The following UHRF2 variants were observed in gnomAD, a reference collection of about 807,000 sequenced individuals.
UHRF2 encodes the protein ubiquitin like with PHD and ring finger domains 2.
UHRF2 carries 23 observed loss-of-function variants against 96.8 expected under a neutral mutation model. That is an observed-to-expected ratio of 0.24 (90% CI 0.17 to 0.34). The LOEUF (loss-of-function observed/expected upper bound fraction) is 0.34. Ranked by LOEUF, UHRF2 falls within the 10% of genes least tolerant of loss-of-function variation. UHRF2 has a pLI of 1.00. For synonymous variants in UHRF2, 385 were observed against 332.6 expected (o/e 1.16, Z -1.72); for missense variants, 685 against 981.5 (o/e 0.70, Z 4.04).
In UHRF2 at chr9:6,469,703, T is replaced by A. The variant is rs1294577832; in HGVS notation, c.864-5688T>A. Among the ~76,000 whole-genome samples, 4 of 137,452 alleles carry A rather than the reference T, an allele frequency of 2.9e-5. No individual in the cohort carries two copies. In the East Asian group the frequency reaches 7.8e-4, roughly 27 times the overall value. The allele number at this position is 137,452 out of a possible 152,430, so 90.2% of individuals were successfully genotyped here. On this transcript the variant is annotated intron_variant, in intron 4 of 15. Transcript: ENST00000276893. The stretch of plus-strand genomic sequence containing the variant: ...ATGTATATATATACACGTATATACA[T>A]ACATATACACACATATATGTGCATA...
intron 9 of UHRF2, 138 bp downstream of exon 9, chr9:6,487,063 T>C: frequency 1.4e-6 from 1 of 726,850 alleles, no homozygotes; most frequent in Non-Finnish European, 2.3e-6. Context: ...TTATACAAGT[T>C]AGAAAGTAAA....
chr9:6,427,684 C>T (rs10739102), intron 2 of UHRF2, among the ~76,000 whole-genome samples: 106,050 of 151,912 alleles, frequency 0.7, 39,586 homozygotes, highest in South Asian at 0.83. Context: ...GACCCCATCT[C>T]AAAAAAAAGA....
chr9:6,484,725 A>G (rs1824159413), intron 8 of UHRF2: 2 of 142,386 alleles, frequency 1.4e-5, no homozygotes, highest in Admixed American at 7.0e-5. Flanking sequence ...TCTTATTTCT[A>G]TTAATAAATA....
At chr9:6,452,849 G>C (rs957129478) in intron 3 of UHRF2, among the ~76,000 whole-genome samples, 1 of 152,176 alleles carries the variant, frequency 6.6e-6, no homozygotes, top group Non-Finnish European at 1.5e-5. Context: ...AAGTTTAGGC[G>C]AGAGTGGAGC....
chr9:6,479,072 G>A (rs867221623), intron 6 of UHRF2, among the ~76,000 whole-genome samples: 5 of 151,636 alleles, frequency 3.3e-5, no homozygotes, highest in African/African-American at 1.2e-4. Context: ...ATTCTCATTA[G>A]CATTCTAGAA....
intron 14 of UHRF2, among the ~76,000 whole-genome samples, chr9:6,504,119 T>A (rs1273604065): frequency 1.3e-5 from 2 of 150,842 alleles, no homozygotes; most frequent in Non-Finnish European, 3.0e-5. Context: ...TCCGCCTTCT[T>A]GGTTCACTCC....
At chr9:6,430,289 C>A (rs914617177) in intron 2 of UHRF2, among the ~76,000 whole-genome samples, 1 of 152,192 alleles carries the variant, frequency 6.6e-6, no homozygotes. Context: ...GGATTACAGG[C>A]GTGAGCCCCT....
intron 4 of UHRF2, among the ~76,000 whole-genome samples, chr9:6,469,497 A>G (rs935982953): frequency 1.3e-5 from 2 of 152,006 alleles, no homozygotes; most frequent in Non-Finnish European, 2.9e-5. Flanking sequence ...CAGCCTGGCG[A>G]CAGAGCGAGA....
At chr9:6,432,587 A>G (rs1248725894) in intron 2 of UHRF2, among the ~76,000 whole-genome samples, 2 of 152,230 alleles carry the variant, frequency 1.3e-5, no homozygotes, top group Non-Finnish European at 2.9e-5. Flanking sequence ...TAAAATAGGA[A>G]TTAAACTTCT....
intron 4 of UHRF2, among the ~76,000 whole-genome samples, chr9:6,463,423 G>T (rs1325622945): frequency 6.6e-6 from 1 of 151,668 alleles, no homozygotes; most frequent in Non-Finnish European, 1.5e-5. Flanking sequence ...TACTAGAAAC[G>T]TTAGGAACAC....
intron 3 of UHRF2, among the ~76,000 whole-genome samples, chr9:6,458,349 C>T (rs1231347947): frequency 2.0e-5 from 3 of 151,996 alleles, no homozygotes; most frequent in Non-Finnish European, 2.9e-5. Context: ...TCCCCTTTAT[C>T]ATTTTTTATT....
chr9:6,468,397 A>G (rs1563781327), intron 4 of UHRF2: 1 of 455,238 alleles, frequency 2.2e-6, no homozygotes, highest in East Asian at 7.0e-5. Flanking sequence ...AGCTAAAACA[A>G]CTAAATAGCC....
intron 2 of UHRF2, among the ~76,000 whole-genome samples, chr9:6,431,214 A>G (rs1216419063): frequency 6.6e-6 from 1 of 152,134 alleles, no homozygotes; most frequent in Non-Finnish European, 1.5e-5. Context: ...GAAAGTTTTG[A>G]ATTTAAGAGC....
At chr9:6,475,112 G>C (rs1823485735) in intron 4 of UHRF2, among the ~76,000 whole-genome samples, 1 of 152,066 alleles carries the variant, frequency 6.6e-6, no homozygotes, top group Non-Finnish European at 1.5e-5. Context: ...TTGACAGAGT[G>C]CCATTTTATC....
At chr9:6,505,216 G>C (rs1174424208) in intron 15 of UHRF2, among the ~76,000 whole-genome samples, 3 of 152,048 alleles carry the variant, frequency 2.0e-5, no homozygotes, top group Non-Finnish European at 4.4e-5. Context: ...CTACATACGA[G>C]TTTGTGCCTG....
chr9:6,455,323 G>A (rs1022072726), intron 3 of UHRF2, among the ~76,000 whole-genome samples: 1 of 152,052 alleles, frequency 6.6e-6, no homozygotes, highest in African/African-American at 2.4e-5. Context: ...GGTGTGCGAT[G>A]TTCCCCTTCC....
chr9:6,489,792 G>A (rs917295571), intron 9 of UHRF2, among the ~76,000 whole-genome samples: 1 of 147,994 alleles, frequency 6.8e-6, no homozygotes, highest in African/African-American at 2.5e-5. Flanking sequence ...TTGCTTTCAT[G>A]GATTGTTACA....
chr9:6,488,307 A>C (rs1245806117), intron 9 of UHRF2, among the ~76,000 whole-genome samples: 1 of 107,438 alleles, frequency 9.3e-6, no homozygotes, highest in African/African-American at 3.7e-5. Flanking sequence ...AAAAAAAAAA[A>C]TGCGGGAAGG....
intron 3 of UHRF2, among the ~76,000 whole-genome samples, chr9:6,455,280 C>G (rs1168828077): frequency 6.6e-6 from 1 of 152,050 alleles, no homozygotes; most frequent in African/African-American, 2.4e-5. Context: ...TAATGCTATC[C>G]CTCCCCCCTC....
Sources: allele counts gnomAD v4.1 joint callset (sites outside exome capture counted in the v4.1 genomes callset), GRCh38; gene constraint gnomAD v4.1.1; transcripts MANE v1.5; gene names NCBI Gene and HGNC (gene_info 2026-07-23, HGNC 2026-07-21).